CATSPERE: variants seen among roughly 807,000 people sequenced by gnomAD.
CATSPERE encodes the protein catsper channel auxiliary subunit epsilon.
A neutral mutation model predicts 114.1 loss-of-function variants in CATSPERE; 93 were observed. That is an observed-to-expected ratio of 0.81 (90% CI 0.69 to 0.97). The LOEUF is 0.97. Among genes scored for constraint, CATSPERE ranks in the 50% least tolerant of loss-of-function variants. The pLI, the probability that CATSPERE is intolerant of heterozygous loss-of-function variation, is 0.00. For synonymous variants in CATSPERE, 341 were observed against 384.1 expected (o/e 0.89, Z 1.31); for missense variants, 1,058 against 1,131.6 (o/e 0.93, Z 0.93).
At chr1:244,524,219 G>A (rs369495838) in intron 8 of CATSPERE, among the ~76,000 whole-genome samples, 1 of 147,054 alleles carries the variant, frequency 6.8e-6, no homozygotes, top group Non-Finnish European at 1.5e-5. Flanking sequence ...ACAAACCTGA[G>A]AAAAACAAGC....
At chr1:244,514,905 C>T (rs3003284) in intron 7 of CATSPERE, among the ~76,000 whole-genome samples, 27,692 of 150,434 alleles carry the variant, frequency 0.18, 2,912 homozygotes, top group African/African-American at 0.29. Flanking sequence ...GAGTTAATAA[C>T]GTATCAGCAT....
chr1:244,589,581 T>G (rs1667455546), intron 14 of CATSPERE, among the ~76,000 whole-genome samples: 1 of 152,184 alleles, frequency 6.6e-6, no homozygotes, highest in Non-Finnish European at 1.5e-5. Flanking sequence ...GAAATGTAGA[T>G]TCTCAGGCCT....
chr1:244,552,665 C>G lies in CATSPERE; in HGVS notation c.880C>G (p.Arg294Gly). Reference protein sequence around the residue: ...RRSVAHVILSRDGIVFLINGV... With the variant: ...RRSVAHVILSGDGIVFLINGV... ...GAGTGTGGCTCATGTGATCTTATCGCGGGATGGAATCGTTTTTCTTATAAA... is the reference window on the plus strand; with the variant it reads ...GAGTGTGGCTCATGTGATCTTATCGGGGGATGGAATCGTTTTTCTTATAAA... The change falls in exon 9 of 22, where the codon CGG becomes GGG. Residue 294 changes from arginine to glycine, a missense_variant. By Grantham distance (125) the Arg-to-Gly change is moderately radical (BLOSUM62 -2). Around this residue, in one of 2 missense-constraint regions of CATSPERE, gnomAD observed 787 missense variants for 905.6 expected, o/e 0.87. Coordinates refer to ENST00000366534, the MANE Select transcript of CATSPERE (RefSeq NM_001130957.2). The G allele has an allele frequency of 6.2e-7, 1 of 1,613,954 alleles. No homozygotes were observed. The highest frequency in any genetic ancestry group is 8.5e-7 in the Non-Finnish European group (1 of 1,180,002).
intron 20 of CATSPERE, among the ~76,000 whole-genome samples, chr1:244,634,818 G>A (rs1326148987): frequency 6.6e-6 from 1 of 152,198 alleles, no homozygotes; most frequent in Non-Finnish European, 1.5e-5. Context: ...TTGGCATGCC[G>A]CCTAGTACAT....
chr1:244,584,159 GA>G (rs1666676708), intron 13 of CATSPERE, among the ~76,000 whole-genome samples: 2 of 151,960 alleles, frequency 1.3e-5, no homozygotes, highest in East Asian at 1.9e-4. Context: ...AAAAAACAAA[GA>G]AAAAATCATT....
At chr1:244,479,913 C>A in intron 5 of CATSPERE, 129 bp downstream of exon 5, 1 of 435,232 alleles carries the variant, frequency 2.3e-6, no homozygotes. Context: ...CCAAGCTATT[C>A]TCAAATATAC....
upstream of CATSPERE, chr1:244,451,842 C>T: frequency 1.3e-6 from 2 of 1,546,752 alleles, no homozygotes; most frequent in Non-Finnish European, 1.7e-6. The surrounding 1 kb of genome is among the most constrained non-coding windows in gnomAD (Gnocchi z 6.6). Flanking sequence ...GAGGAGAGCC[C>T]GAAGGAGAGG....
chr1:244,602,959 G>A (rs970349861), intron 17 of CATSPERE, among the ~76,000 whole-genome samples: 2 of 152,168 alleles, frequency 1.3e-5, no homozygotes, highest in Middle Eastern at 3.2e-3. Context: ...GAGTGAGGGG[G>A]AAATGTGGGC....
chr1:244,640,252 G>GT lies in CATSPERE; in HGVS notation c.*175dup, dbSNP rs1675193767. ...CTTGAACTATCTCCAAAATAGAAAT[G>GT]TTTTCATATATATTGTTATTAAATT... On this transcript the variant is annotated 3_prime_UTR_variant, in exon 22 of 22. Coordinates refer to ENST00000366534, the MANE Select transcript of CATSPERE (RefSeq NM_001130957.2). 2 of 506,692 alleles carry GT rather than the reference G, an allele frequency of 3.9e-6. No homozygotes were observed. The highest frequency in any genetic ancestry group is 3.9e-5 in the African/African-American group (2 of 51,104). The allele number at this position is 506,692 out of a possible 1,614,324, so 31.4% of individuals were successfully genotyped here.
In CATSPERE at chr1:244,575,001, G is replaced by A. The variant is rs1665022080; in HGVS notation, c.1950+2229G>A. On this transcript the variant is annotated intron_variant, in intron 11 of 21. Transcript: ENST00000366534. This position sits in a 1 kb window ranked among gnomAD's most constrained non-coding sequence, Gnocchi z 4.5. ...CTTTCTCTGATCTCTGTCTCTTTCAGTCTCTCGCTCACTTATTCTCTCCCT... is the reference window on the plus strand; with the variant it reads ...CTTTCTCTGATCTCTGTCTCTTTCAATCTCTCGCTCACTTATTCTCTCCCT... Among the ~76,000 whole-genome samples the A allele has an allele frequency of 6.6e-6, 1 of 151,712 alleles. No individual in the cohort carries two copies. The highest frequency in any genetic ancestry group is 2.4e-5 in the African/African-American group (1 of 41,276).
At chr1:244,537,029 T>C (rs3005986) in intron 8 of CATSPERE, among the ~76,000 whole-genome samples, 150,387 of 152,226 alleles carry the variant, frequency 0.99, 74,312 homozygotes, top group Middle Eastern at 1. Flanking sequence ...CCAATGTGAA[T>C]GCCTTTTATT....
intron 9 of CATSPERE, among the ~76,000 whole-genome samples, chr1:244,558,275 TG>T (rs1558493361): frequency 6.6e-6 from 1 of 152,012 alleles, no homozygotes; most frequent in Non-Finnish European, 1.5e-5. Context: ...CACGTGTAGC[TG>T]GGACTACAGG....
chr1:244,485,089 A>G (rs1670784481), intron 5 of CATSPERE, among the ~76,000 whole-genome samples: 1 of 150,946 alleles, frequency 6.6e-6, no homozygotes, highest in Admixed American at 6.6e-5. Flanking sequence ...TTACTATTGT[A>G]TATTTCTTTT....
intron 7 of CATSPERE, among the ~76,000 whole-genome samples, chr1:244,509,160 G>A (rs1260597016): frequency 6.6e-6 from 1 of 151,988 alleles, no homozygotes; most frequent in African/African-American, 2.4e-5. Flanking sequence ...AGTTCTTAGA[G>A]GGAGAAGCTT....
intron 7 of CATSPERE, among the ~76,000 whole-genome samples, chr1:244,503,463 A>G (rs971876662): frequency 3.3e-5 from 5 of 152,038 alleles, no homozygotes; most frequent in Non-Finnish European, 5.9e-5. Flanking sequence ...CATATATTAG[A>G]CCCATCTGAT....
intron 21 of CATSPERE, 144 bp downstream of exon 21, chr1:244,635,686 A>G (rs568875044): frequency 1.6e-6 from 1 of 610,508 alleles, no homozygotes; most frequent in African/African-American, 1.9e-5. Flanking sequence ...AAATCTTATT[A>G]TGAAAATTAT....
chr1:244,610,754 CTT>C (rs56253016), intron 19 of CATSPERE, among the ~76,000 whole-genome samples: 89 of 136,324 alleles, frequency 6.5e-4, no homozygotes, highest in Middle Eastern at 3.7e-3. Context: ...ATTTTCTTTC[CTT>C]TTTTTTTTTT....
chr1:244,493,276 A>T (rs1672537396), intron 6 of CATSPERE, among the ~76,000 whole-genome samples: 1 of 152,310 alleles, frequency 6.6e-6, no homozygotes, highest in South Asian at 2.1e-4. Flanking sequence ...AACAGAACAG[A>T]GCCCTCAGAA....
At chr1:244,559,607 C>A (rs1039455980) in intron 9 of CATSPERE, among the ~76,000 whole-genome samples, 2 of 152,114 alleles carry the variant, frequency 1.3e-5, no homozygotes, top group Non-Finnish European at 2.9e-5. Flanking sequence ...CAGCCTATAT[C>A]CATGAAAGGG....
Sources: gnomAD v4.1 joint callset for allele counts (sites outside exome capture counted in the v4.1 genomes callset) on GRCh38, gnomAD v4.1.1 for gene constraint, gnomAD v4.1.1 regional missense constraint, Gnocchi (gnomAD v3.1) non-coding constraint, MANE v1.5 for transcripts, NCBI Gene and HGNC (gene_info 2026-07-23, HGNC 2026-07-21) for gene names.